The following FAT3 variants were observed in gnomAD, a reference collection of about 807,000 sequenced individuals.
FAT3 encodes FAT atypical cadherin 3.
FAT3 carries 95 observed loss-of-function variants against 310.2 expected under a neutral mutation model. The ratio of observed to expected loss-of-function variants is 0.31; its 90% CI spans 0.26 to 0.36. FAT3 has a LOEUF of 0.36. Among genes scored for constraint, FAT3 ranks in the 10% least tolerant of loss-of-function variants. The pLI is 1.00. For missense variants in FAT3, 5,408 were observed against 5,715.6 expected (o/e 0.95, Z 1.74); for synonymous variants, 2,314 against 2,192.9 (o/e 1.06, Z -1.54).
At chr11:92,584,264 A>G (rs181219932) in intron 3 of FAT3, among the ~76,000 whole-genome samples, 2 of 151,994 alleles carry the variant, frequency 1.3e-5, no homozygotes, top group Non-Finnish European at 1.5e-5. Context: ...GGGCACAGCA[A>G]CTTTGCTTTG....
intron 3 of FAT3, among the ~76,000 whole-genome samples, chr11:92,604,015 G>A (rs1019217541): frequency 2.6e-5 from 4 of 152,076 alleles, no homozygotes; most frequent in Admixed American, 6.6e-5. Context: ...CCTGTGAAGC[G>A]GGCACCAACA....
intron 2 of FAT3, among the ~76,000 whole-genome samples, chr11:92,478,059 G>C (rs1591343511): frequency 6.6e-6 from 1 of 152,224 alleles, no homozygotes; most frequent in Admixed American, 6.5e-5. Flanking sequence ...TTCCAGCATA[G>C]AGAAGTTATT....
Position 92,476,189 on chromosome 11 carries a change from C to T in FAT3, c.3293-48445C>T, listed in dbSNP as rs145949911. Among the ~76,000 whole-genome samples the T allele has an allele frequency of 5.6e-3, 846 of 152,046 alleles. 2 individuals are homozygous for T. Among genetic ancestry groups the T allele is most frequent in the Admixed American group, 8.0e-3 (122 of 15,254 alleles). On this transcript the variant is annotated intron_variant, in intron 2 of 27. Transcript: ENST00000525166. The stretch of plus-strand genomic sequence containing the variant: ...AATACTGAGAAAATGACTTGGGATA[C>T]GCATATCAAGAAAGCATCCTTTAAC...
At chr11:92,569,577 T>G (rs1402880112) in intron 3 of FAT3, among the ~76,000 whole-genome samples, 1 of 152,194 alleles carries the variant, frequency 6.6e-6, no homozygotes, top group African/African-American at 2.4e-5. Flanking sequence ...TTTGGTAGAT[T>G]TCCAGTTGTA....
rs1949272286 is a variant in FAT3 at position 92,867,204 on chromosome 11, C to CG, written c.12127+1dup. On this transcript the variant is annotated frameshift_variant, in exon 22 of 28. Transcript: ENST00000525166. LOFTEE classifies it high-confidence loss of function. ...GGGGGCAGCTGCACTGGCCTGCCATCGGGGGGTGAGTGTGGCTACGCAGTG... is the reference window on the plus strand; with the variant it reads ...GGGGGCAGCTGCACTGGCCTGCCATCGGGGGGGTGAGTGTGGCTACGCAGTG... The CG allele has an allele frequency of 1.3e-6, 2 of 1,569,746 alleles. No homozygotes were observed. The highest frequency in any genetic ancestry group is 1.7e-6 in the Non-Finnish European group (2 of 1,162,294).
At chr11:92,756,574 G>A (rs1261257490) in intron 4 of FAT3, among the ~76,000 whole-genome samples, 3 of 152,242 alleles carry the variant, frequency 2.0e-5, no homozygotes, top group Non-Finnish European at 4.4e-5. Flanking sequence ...TAAAAATATT[G>A]AATATATTCT....
intron 3 of FAT3, among the ~76,000 whole-genome samples, chr11:92,655,565 T>C (rs1942547042): frequency 6.6e-6 from 1 of 152,204 alleles, no homozygotes; most frequent in Non-Finnish European, 1.5e-5. Flanking sequence ...TGTTTCTCTG[T>C]ATATTTCTTT....
At chr11:92,376,807 T>C (rs1158039431) in intron 2 of FAT3, among the ~76,000 whole-genome samples, 1 of 152,196 alleles carries the variant, frequency 6.6e-6, no homozygotes, top group East Asian at 1.9e-4. Context: ...AAATTTTGAA[T>C]AGACATATAT....
At chr11:92,669,773 A>G (rs1055610620) in intron 3 of FAT3, among the ~76,000 whole-genome samples, 8 of 152,180 alleles carry the variant, frequency 5.3e-5, no homozygotes, top group African/African-American at 1.2e-4. Flanking sequence ...CCTGGGACCA[A>G]TCATGTACTG....
chr11:92,226,428 G>T (rs1863911349), intron 1 of FAT3, among the ~76,000 whole-genome samples: 1 of 151,758 alleles, frequency 6.6e-6, no homozygotes, highest in Admixed American at 6.6e-5. Flanking sequence ...GGCGTGCTTG[G>T]GGCAAGGATG....
At position 92,890,960 on chromosome 11, in the gene FAT3, C is replaced by G. The variant is rs2136449010; in HGVS notation, c.13617C>G (p.His4539Gln). The G allele has an allele frequency of 6.2e-7, 1 of 1,613,964 alleles. No individual in the cohort carries two copies. The highest frequency in any genetic ancestry group is 1.6e-4 in the Middle Eastern group (1 of 6,062). Reference sequence around the variant, plus strand: ...CAGACAGCGTGTCTCTGTCCTTGCACAATTCCAGAGGCACCTCATCCTCGG... The same window carrying G: ...CAGACAGCGTGTCTCTGTCCTTGCAGAATTCCAGAGGCACCTCATCCTCGG... ...GPADSVSLSL[H>Q]NSRGTSSSDV... Residue 4539 changes from histidine (H) to glutamine (Q), a missense_variant, in exon 28 of 28, where the codon CAC (histidine) becomes CAG (glutamine). This residue lies in a region of FAT3 where 649 missense variants were observed against 666.2 expected (regional missense o/e 0.97). Transcript: ENST00000525166.
At chr11:92,757,948 A>G (rs1946047436) in intron 4 of FAT3, among the ~76,000 whole-genome samples, 2 of 152,300 alleles carry the variant, frequency 1.3e-5, no homozygotes, top group East Asian at 3.9e-4. Flanking sequence ...GTTCTCAGTT[A>G]TGTAAACTGG....
intron 1 of FAT3, among the ~76,000 whole-genome samples, chr11:92,327,840 A>G (rs943646045): frequency 3.9e-5 from 6 of 152,224 alleles, no homozygotes; most frequent in Admixed American, 2.0e-4. Context: ...CGAGTATGGT[A>G]TTCTCACTTT....
chr11:92,571,429 A>G (rs570337706), intron 3 of FAT3, among the ~76,000 whole-genome samples: 2 of 152,326 alleles, frequency 1.3e-5, no homozygotes, highest in African/African-American at 4.8e-5. Flanking sequence ...CCTCACACCC[A>G]ACAGTCATCA....
chr11:92,605,472 A>G (rs1015281512), intron 3 of FAT3, among the ~76,000 whole-genome samples: 2 of 152,146 alleles, frequency 1.3e-5, no homozygotes, highest in East Asian at 1.9e-4. Flanking sequence ...GCCCTAGGAT[A>G]AGTAATTATT....
chr11:92,528,943 G>C (rs542331104), intron 3 of FAT3, among the ~76,000 whole-genome samples: 5 of 152,126 alleles, frequency 3.3e-5, no homozygotes, highest in Non-Finnish European at 7.3e-5. Context: ...ACTGCTCCTG[G>C]ACCCCACTAT....
intron 2 of FAT3, among the ~76,000 whole-genome samples, chr11:92,405,211 G>T (rs1309489245): frequency 6.6e-6 from 1 of 151,964 alleles, no homozygotes; most frequent in Non-Finnish European, 1.5e-5. Context: ...TCACTTTGGG[G>T]CATGGAGGTT....
Position 92,801,558 on chromosome 11 carries a change from GTCACTTAC to G in FAT3, c.8548_8555del (p.Thr2850ProfsTer17). The G allele has an allele frequency of 6.2e-7, 1 of 1,608,336 alleles. No homozygotes were observed. Among genetic ancestry groups the G allele is most frequent in the African/African-American group, 1.3e-5 (1 of 74,974 alleles). ...TATGGACTGGGGAGCCAATGGACAA[GTCACTTAC>G]TCCCTCCACTCGGATTCCCAGCCCG... is the stretch of plus-strand genomic sequence containing the variant. On this transcript the variant is annotated frameshift_variant, in exon 10 of 28. Transcript: ENST00000525166. LOFTEE classifies it high-confidence loss of function.
At chr11:92,824,096 C>G (rs1591782638) in intron 13 of FAT3, among the ~76,000 whole-genome samples, 2 of 152,106 alleles carry the variant, frequency 1.3e-5, no homozygotes, top group Admixed American at 1.3e-4. Context: ...GTGGCTCACC[C>G]CTGTAATCCC....
Sources: gnomAD v4.1 joint callset for allele counts (sites outside exome capture counted in the v4.1 genomes callset) on GRCh38, gnomAD v4.1.1 for gene constraint, gnomAD v4.1.1 regional missense constraint, MANE v1.5 for transcripts, NCBI Gene and HGNC (gene_info 2026-07-23, HGNC 2026-07-21) for gene names.